KDM6A: variants seen among roughly 807,000 people sequenced by gnomAD.
The protein encoded by KDM6A is lysine-specific demethylase 6A.
Under a neutral mutation model 117.6 loss-of-function variants are expected in KDM6A, and 11 were observed. The ratio of observed to expected loss-of-function variants is 0.09; its 90% CI spans 0.06 to 0.15. KDM6A has a LOEUF of 0.15. Ranked by LOEUF, KDM6A falls within the 10% of genes least tolerant of loss-of-function variation. The pLI, the probability that KDM6A is intolerant of heterozygous loss-of-function variation, is 1.00. For missense variants in KDM6A, 799 were observed against 1,077.3 expected, an observed-to-expected ratio of 0.74 and a Z score of 3.62; for synonymous variants, 384 against 396.1, an observed-to-expected ratio of 0.97 and a Z score of 0.36.
chrX:45,079,432 T>C, intron 21 of KDM6A, 81 bp downstream of exon 21: 1 of 662,346 alleles, frequency 1.5e-6, no homozygotes, highest in African/African-American at 2.2e-5. Context: ...ACATTACTTT[T>C]ATATGCATCT....
rs2042905674 is a variant in KDM6A at position 45,038,375 on chromosome X, T to G, written c.654+686T>G. Among the ~76,000 whole-genome samples, 4 of 111,564 alleles carry G rather than the reference T, an allele frequency of 3.6e-5. No individual in the cohort carries two copies. The South Asian group carries it at 1.5e-3, about 42-fold the overall frequency. ...GTAATGCGTTTTTTAAAGAATTCTT[T>G]TGCTTTTTCTTAAGACTGAAATAAC... On this transcript the variant is annotated intron_variant, in intron 8 of 29. Coordinates refer to ENST00000611820, the MANE Select transcript of KDM6A (RefSeq NM_001291415.2).
At chrX:44,913,105 G>T (rs2035313459) in intron 2 of KDM6A, among the ~76,000 whole-genome samples, 1 of 111,693 alleles carries the variant, frequency 9.0e-6, no homozygotes, top group Non-Finnish European at 1.9e-5. Flanking sequence ...AACAGGAAGA[G>T]TAACTTCTCT....
intron 6 of KDM6A, among the ~76,000 whole-genome samples, chrX:45,029,829 C>T (rs1294626793): frequency 9.1e-6 from 1 of 110,436 alleles, no homozygotes; most frequent in Non-Finnish European, 1.9e-5. Context: ...CAAACTAGGA[C>T]CAGTTTTTAA....
chrX:44,990,791 A>T (rs2040540551), intron 4 of KDM6A, among the ~76,000 whole-genome samples: 1 of 111,432 alleles, frequency 9.0e-6, no homozygotes, highest in Admixed American at 9.5e-5. Flanking sequence ...AACTTTCACT[A>T]ATTTGGGTTA....
intron 21 of KDM6A, among the ~76,000 whole-genome samples, chrX:45,081,134 G>A (rs985689575): frequency 1.8e-5 from 2 of 111,767 alleles, no homozygotes; most frequent in Non-Finnish European, 3.8e-5. Flanking sequence ...GTTTCTCCAT[G>A]TTGGTCAGGG....
At chrX:45,082,906 C>A in intron 23 of KDM6A, 117 bp downstream of exon 23, 2 of 535,112 alleles carry the variant, frequency 3.7e-6, no homozygotes, top group Non-Finnish European at 3.1e-6. Context: ...TTTAAGTTGA[C>A]ATGAATTTAA....
intron 2 of KDM6A, among the ~76,000 whole-genome samples, chrX:44,924,516 A>G (rs985188394): frequency 4.5e-5 from 5 of 111,872 alleles, no homozygotes; most frequent in Non-Finnish European, 7.5e-5. Flanking sequence ...TGTGGAGGCA[A>G]TATCCTTGTT....
chrX:45,040,273 T>C (rs2043019250), intron 8 of KDM6A, among the ~76,000 whole-genome samples: 2 of 28,401 alleles, frequency 7.0e-5, no homozygotes, highest in Non-Finnish European at 1.4e-4. Flanking sequence ...GTGGGGGTGC[T>C]GACCCCCCCA....
chrX:44,895,262 C>T (rs1029157772), intron 2 of KDM6A, among the ~76,000 whole-genome samples: 2 of 107,615 alleles, frequency 1.9e-5, no homozygotes, highest in Admixed American at 1.0e-4. Flanking sequence ...CCTGCCACCA[C>T]GCCTGGCTAA....
At chrX:45,073,224 A>G (rs2044948352) in intron 18 of KDM6A, among the ~76,000 whole-genome samples, 1 of 111,832 alleles carries the variant, frequency 8.9e-6, no homozygotes, top group Non-Finnish European at 1.9e-5. Context: ...ATGGCTGCAT[A>G]GTATTCCATG....
chrX:45,104,055 G>A lies in KDM6A; in HGVS notation c.4035-3355G>A, dbSNP rs113207382. 9.6e-3 allele frequency among the ~76,000 whole-genome samples: 921 copies of A among 96,075 alleles called. 9 individuals carry two copies. Among genetic ancestry groups the A allele is most frequent in the African/African-American group, 0.035 (883 of 25,168 alleles). The allele number at this position is 96,075 out of a possible 115,157, so 83.4% of individuals were successfully genotyped here. A position where few individuals can be genotyped will look rare whatever the true frequency, so the allele number is the denominator to read the frequency against. ...TTTTTTTTTTTTGAGACGGAGTTTCGCTCTTGTTGCCCAGGCTGGAGTGCA... is the reference window on the plus strand; with the variant it reads ...TTTTTTTTTTTTGAGACGGAGTTTCACTCTTGTTGCCCAGGCTGGAGTGCA... On this transcript the variant is annotated intron_variant, in intron 27 of 29. Transcript: ENST00000611820.
chrX:44,963,440 AGT>A (rs747821170), intron 3 of KDM6A, among the ~76,000 whole-genome samples: 1,996 of 69,779 alleles, frequency 0.029, 31 homozygotes, highest in South Asian at 0.1. Flanking sequence ...AGGGTGACAG[AGT>A]GTGTGTGTGT....
rs372752892 is a variant in KDM6A, at chrX:44,873,912, C to T, written c.162-12C>T. 1 of 1,209,247 alleles carries T rather than the reference C, an allele frequency of 8.3e-7. No individual in the cohort carries two copies. Among genetic ancestry groups the T allele is most frequent in the Non-Finnish European group, 1.1e-6 (1 of 893,183 alleles). On this transcript the variant is annotated splice_polypyrimidine_tract_variant and intron_variant, in intron 1 of 29. Coordinates refer to ENST00000611820, the MANE Select transcript of KDM6A (RefSeq NM_001291415.2). The stretch of plus-strand genomic sequence containing the variant: ...CTGAGCGTTAACGAGTAAACTGTGT[C>T]TGTCTCCACAGCCGCCTCTTTGGGT...
chrX:44,887,632 G>A (rs903452614), intron 2 of KDM6A, among the ~76,000 whole-genome samples: 3 of 111,124 alleles, frequency 2.7e-5, no homozygotes, highest in Admixed American at 9.6e-5. Flanking sequence ...AGAACCTATG[G>A]CTTTAACTGG....
At chrX:45,052,617 A>G (rs990911950) in intron 9 of KDM6A, among the ~76,000 whole-genome samples, 17 of 111,878 alleles carry the variant, frequency 1.5e-4, no homozygotes, top group African/African-American at 5.2e-4. Flanking sequence ...GTAAAATCCT[A>G]ATGGAAAAAA....
At chrX:44,890,672 G>A (rs2033274960) in intron 2 of KDM6A, among the ~76,000 whole-genome samples, 1 of 51,638 alleles carries the variant, frequency 1.9e-5, no homozygotes, top group Non-Finnish European at 3.2e-5. Flanking sequence ...TTTTTTTTGC[G>A]AGATAGAGTT....
intron 8 of KDM6A, among the ~76,000 whole-genome samples, chrX:45,044,782 A>G (rs2043452101): frequency 9.0e-6 from 1 of 111,357 alleles, no homozygotes; most frequent in Non-Finnish European, 1.9e-5. Flanking sequence ...TAATTTAACT[A>G]CTCCCCTTTG....
chrX:44,981,838 C>T (rs2039927430), intron 4 of KDM6A, among the ~76,000 whole-genome samples: 1 of 111,949 alleles, frequency 8.9e-6, no homozygotes, highest in Non-Finnish European at 1.9e-5. Flanking sequence ...AATCCCAGCA[C>T]TTTGGGAGGC....
intron 6 of KDM6A, among the ~76,000 whole-genome samples, chrX:45,027,360 CA>C (rs2042419035): frequency 1.8e-5 from 2 of 110,961 alleles, no homozygotes; most frequent in African/African-American, 6.6e-5. Context: ...CACACACACA[CA>C]CACACACCCG....
Sources: gnomAD v4.1 joint callset for allele counts (sites outside exome capture counted in the v4.1 genomes callset) on GRCh38, gnomAD v4.1.1 for gene constraint, MANE v1.5 for transcripts, NCBI Gene and HGNC (gene_info 2026-07-23, HGNC 2026-07-21) for gene names.